ZNF804A: variants seen among roughly 807,000 people sequenced by gnomAD.
The protein encoded by ZNF804A is zinc finger protein 804A.
Under a neutral mutation model 16.5 loss-of-function variants are expected in ZNF804A, and 2 were observed. That is an observed-to-expected ratio of 0.12 (90% CI 0.05 to 0.38). The LOEUF (loss-of-function observed/expected upper bound fraction) is 0.38. ZNF804A is among the 10% of genes least tolerant of loss of function. The pLI, the probability that ZNF804A is intolerant of heterozygous loss-of-function variation, is 0.99. For synonymous variants in ZNF804A, 534 were observed against 489.6 expected (o/e 1.09, Z -1.20); for missense variants, 1,473 against 1,390.7 (o/e 1.06, Z -0.94).
At chr2:184,741,794 A>G (rs1386067995) in intron 1 of ZNF804A, among the ~76,000 whole-genome samples, 2 of 152,154 alleles carry the variant, frequency 1.3e-5, no homozygotes, top group African/African-American at 4.8e-5. Flanking sequence ...ATACACAGTT[A>G]TCATAGGCTT....
chr2:184,785,708 A>G (rs570043567), intron 1 of ZNF804A, among the ~76,000 whole-genome samples: 1 of 152,152 alleles, frequency 6.6e-6, no homozygotes, highest in African/African-American at 2.4e-5. Flanking sequence ...ATATGTGTGT[A>G]TGCATATACA....
At chr2:184,750,306 AT>A (rs1354361227) in intron 1 of ZNF804A, among the ~76,000 whole-genome samples, 1 of 151,420 alleles carries the variant, frequency 6.6e-6, no homozygotes, top group Non-Finnish European at 1.5e-5. Context: ...TGAATAAGGA[AT>A]ACAAATTATT....
chr2:184,889,185 T>C (rs1684943797), intron 2 of ZNF804A, among the ~76,000 whole-genome samples: 1 of 151,996 alleles, frequency 6.6e-6, no homozygotes, highest in South Asian at 2.1e-4. Flanking sequence ...TTTCCCATTG[T>C]TTGATTTGAG....
intron 1 of ZNF804A, among the ~76,000 whole-genome samples, chr2:184,745,028 T>A (rs1480485): frequency 6.6e-6 from 1 of 151,208 alleles, no homozygotes; most frequent in Non-Finnish European, 1.5e-5. Flanking sequence ...TATTCAGTGG[T>A]TAAAAGTGCC....
At chr2:184,869,677 A>G (rs964915562) in intron 2 of ZNF804A, among the ~76,000 whole-genome samples, 2 of 151,948 alleles carry the variant, frequency 1.3e-5, no homozygotes, top group South Asian at 2.1e-4. Context: ...CTTTGAGACC[A>G]TTCTTTATTT....
chr2:184,885,996 A>G (rs1381905586), intron 2 of ZNF804A, among the ~76,000 whole-genome samples: 1 of 152,146 alleles, frequency 6.6e-6, no homozygotes, highest in Non-Finnish European at 1.5e-5. Flanking sequence ...TGAAGTCACA[A>G]TTCATTTTAG....
intron 2 of ZNF804A, among the ~76,000 whole-genome samples, chr2:184,919,340 G>T (rs141219479): frequency 1.0e-3 from 154 of 152,218 alleles, no homozygotes; most frequent in Middle Eastern, 6.8e-3. Context: ...GGTCTCTGTC[G>T]CTGCTGGCAT....
intron 1 of ZNF804A, among the ~76,000 whole-genome samples, chr2:184,768,591 G>A (rs1260389081): frequency 4.6e-5 from 7 of 151,960 alleles, no homozygotes. Flanking sequence ...TTAAAGTGGG[G>A]TCTGAAATAC....
At chr2:184,672,551 G>A (rs926054167) in intron 1 of ZNF804A, among the ~76,000 whole-genome samples, 5 of 152,092 alleles carry the variant, frequency 3.3e-5, no homozygotes, top group African/African-American at 1.2e-4. Context: ...TATAAAATAT[G>A]TTAGCATTCA....
At chr2:184,815,595 G>A (rs1455945397) in intron 1 of ZNF804A, among the ~76,000 whole-genome samples, 2 of 151,804 alleles carry the variant, frequency 1.3e-5, no homozygotes, top group African/African-American at 4.8e-5. Context: ...TAAAATCAGT[G>A]TATATGCTAG....
At chr2:184,621,311 G>A (rs1218343679) in intron 1 of ZNF804A, among the ~76,000 whole-genome samples, 1 of 151,620 alleles carries the variant, frequency 6.6e-6, no homozygotes, top group Non-Finnish European at 1.5e-5. Context: ...ACATTTGCAT[G>A]TTGATCCCAG....
At chr2:184,614,925 T>C (rs1361905772) in intron 1 of ZNF804A, among the ~76,000 whole-genome samples, 1 of 152,206 alleles carries the variant, frequency 6.6e-6, no homozygotes, top group Non-Finnish European at 1.5e-5. Context: ...GGAAAACTTT[T>C]ACACTGTTGG....
In ZNF804A at chr2:184,732,773, G is replaced by T. The variant is rs529139276; in HGVS notation, c.112-133596G>T. ...TTTATACCTAAGTATTTTGTTTTGG[G>T]GGATGTTAATGTCTAATGTAAATGG... On this transcript the variant is annotated intron_variant, in intron 1 of 3. Transcript: ENST00000302277. Among the ~76,000 whole-genome samples the T allele has an allele frequency of 2.6e-5, 4 of 151,930 alleles. No homozygotes were observed. In the South Asian group the frequency reaches 8.3e-4, roughly 32 times the overall value.
intron 1 of ZNF804A, among the ~76,000 whole-genome samples, chr2:184,691,573 A>G (rs1692725770): frequency 6.6e-6 from 1 of 151,794 alleles, no homozygotes; most frequent in Non-Finnish European, 1.5e-5. Flanking sequence ...ACAAACTGAT[A>G]TTTCTATCTA....
chr2:184,764,128 C>T (rs1694082850), intron 1 of ZNF804A, among the ~76,000 whole-genome samples: 2 of 151,976 alleles, frequency 1.3e-5, no homozygotes, highest in Admixed American at 6.6e-5. Context: ...CAACTAAATA[C>T]AAACTAAATA....
chr2:184,696,015 A>G (rs1192482097), intron 1 of ZNF804A, among the ~76,000 whole-genome samples: 1 of 152,180 alleles, frequency 6.6e-6, no homozygotes, highest in African/African-American at 2.4e-5. Context: ...AACCAATTAC[A>G]TTATAATATC....
intron 1 of ZNF804A, among the ~76,000 whole-genome samples, chr2:184,733,384 A>T (rs1693551778): frequency 6.6e-6 from 1 of 152,124 alleles, no homozygotes; most frequent in Non-Finnish European, 1.5e-5. Context: ...AATTACACTT[A>T]GTTGTGATGT....
At chr2:184,829,124 CAT>C (rs1225671492) in intron 1 of ZNF804A, among the ~76,000 whole-genome samples, 2 of 151,386 alleles carry the variant, frequency 1.3e-5, no homozygotes, top group Non-Finnish European at 3.0e-5. Flanking sequence ...TCACATGTAT[CAT>C]ATATTATTTA....
intron 1 of ZNF804A, among the ~76,000 whole-genome samples, chr2:184,817,875 A>T (rs991175550): frequency 2.0e-5 from 3 of 152,058 alleles, no homozygotes; most frequent in African/African-American, 7.2e-5. Flanking sequence ...AATGAAAAGT[A>T]ACAAACAAAA....
Sources: allele counts gnomAD v4.1 joint callset (sites outside exome capture counted in the v4.1 genomes callset), GRCh38; gene constraint gnomAD v4.1.1; transcripts MANE v1.5; gene names NCBI Gene and HGNC (gene_info 2026-07-23, HGNC 2026-07-21).